Variants in C4orf17 observed in about 807,000 individuals in gnomAD.
C4orf17 encodes uncharacterized protein C4orf17.
In C4orf17, 25 loss-of-function variants were observed where a neutral mutation model predicts 32.0. The ratio of observed to expected loss-of-function variants is 0.78; its 90% confidence interval spans 0.57 to 1.09. C4orf17 has a LOEUF of 1.09. Among genes scored for constraint, C4orf17 ranks in the 50% least tolerant of loss-of-function variants. The pLI is 0.00. For missense variants in C4orf17, 420 were observed against 420.0 expected, an observed-to-expected ratio of 1.00 and a Z score of 0.00; for synonymous variants, 149 against 145.8, an observed-to-expected ratio of 1.02 and a Z score of -0.16.
At chr4:99,528,531 T>G (rs931400991) in intron 4 of C4orf17, among the ~76,000 whole-genome samples, 2 of 152,212 alleles carry the variant, frequency 1.3e-5, no homozygotes, top group African/African-American at 4.8e-5. Flanking sequence ...TTATTTCTTC[T>G]TTGACTCATG....
chr4:99,511,031 A>G lies in C4orf17; in HGVS notation c.-335A>G, dbSNP rs1723084949. The G allele has an allele frequency of 6.6e-6, 1 of 152,158 alleles. No individual in the cohort carries two copies. Among genetic ancestry groups the G allele is most frequent in the Admixed American group, 6.5e-5 (1 of 15,268 alleles). The allele number at this position is 152,158 out of a possible 1,614,324, so 9.4% of individuals were successfully genotyped here. On this transcript the variant is annotated 5_prime_UTR_variant, in exon 1 of 9. Coordinates refer to ENST00000326581, the MANE Select transcript of C4orf17 (RefSeq NM_032149.3). Reference sequence around the variant, plus strand: ...GTTGCTAAGCTATGTAACATATCTTAACAACCAGGGAGCCACACAGGCTCC... The same window carrying G: ...GTTGCTAAGCTATGTAACATATCTTGACAACCAGGGAGCCACACAGGCTCC...
intron 2 of C4orf17, among the ~76,000 whole-genome samples, chr4:99,520,264 T>C (rs1271409421): frequency 1.3e-5 from 2 of 151,474 alleles, no homozygotes; most frequent in East Asian, 3.9e-4. Context: ...TAATTTTTTT[T>C]TTCTGTATTT....
intron 2 of C4orf17, among the ~76,000 whole-genome samples, chr4:99,516,509 A>G (rs916815093): frequency 2.0e-5 from 3 of 152,248 alleles, no homozygotes; most frequent in Non-Finnish European, 4.4e-5. Context: ...TTTATTTGCA[A>G]TGAAAATATA....
intron 5 of C4orf17, chr4:99,535,961 C>T (rs764703011): frequency 6.3e-5 from 23 of 363,622 alleles, no homozygotes; most frequent in Middle Eastern, 4.3e-4. Context: ...TTTCTTCTAA[C>T]AGGCCACTCT....
At chr4:99,529,414 G>T (rs888843398) in intron 4 of C4orf17, among the ~76,000 whole-genome samples, 8 of 152,160 alleles carry the variant, frequency 5.3e-5, no homozygotes, top group Non-Finnish European at 8.8e-5. Context: ...GTAGCAATTT[G>T]CATCATGCAG....
Position 99,541,924 on chromosome 4 carries a change from C to A in C4orf17, c.895C>A (p.Pro299Thr). 1 of 1,612,784 alleles carries A rather than the reference C, an allele frequency of 6.2e-7. No homozygotes were observed. The highest frequency in any genetic ancestry group is 8.5e-7 in the Non-Finnish European group (1 of 1,179,492). Residue 299 changes from proline (P) to threonine (T), a missense_variant, in exon 9 of 9, where the codon CCT becomes ACT. By Grantham distance (38) the Pro-to-Thr change is conservative. Transcript: ENST00000326581. ...KEVPKEAEHK[P>T]PLLIRRNNMK... The stretch of plus-strand genomic sequence containing the variant: ...CTCTATTTCAGAGGCTGAGCACAAG[C>A]CTCCACTACTTATAAGAAGAAATAA...
intron 5 of C4orf17, among the ~76,000 whole-genome samples, chr4:99,535,326 T>C (rs1258285687): frequency 6.6e-6 from 1 of 152,158 alleles, no homozygotes; most frequent in Non-Finnish European, 1.5e-5. Context: ...TATCCTGAAG[T>C]ATGTTTTCCA....
chr4:99,529,091 T>C (rs1181632934), intron 4 of C4orf17, among the ~76,000 whole-genome samples: 1 of 152,196 alleles, frequency 6.6e-6, no homozygotes, highest in Non-Finnish European at 1.5e-5. Flanking sequence ...TTAAATATTG[T>C]TTTATCAATT....
intron 5 of C4orf17, 55 bp downstream of exon 5, chr4:99,530,013 A>G: frequency 7.1e-7 from 1 of 1,410,908 alleles, no homozygotes. Context: ...ATATACAAAA[A>G]AATTTATACC....
intron 2 of C4orf17, among the ~76,000 whole-genome samples, chr4:99,520,490 G>T (rs1453510793): frequency 1.3e-5 from 2 of 152,118 alleles, no homozygotes; most frequent in Non-Finnish European, 2.9e-5. Flanking sequence ...ATACTTTAAA[G>T]CACTTGATGT....
chr4:99,520,581 T>G (rs1723270738), intron 2 of C4orf17, among the ~76,000 whole-genome samples: 1 of 152,238 alleles, frequency 6.6e-6, no homozygotes. Context: ...GGCAAGGGAC[T>G]AATTTTTATG....
intron 5 of C4orf17, among the ~76,000 whole-genome samples, chr4:99,534,856 A>T (rs1311863511): frequency 1.3e-5 from 2 of 152,068 alleles, no homozygotes; most frequent in African/African-American, 4.8e-5. Context: ...CTGTGTTCTT[A>T]GCTGTGTTTT....
chr4:99,518,575 AGAGAGAGAGG>A (rs1560585632), intron 2 of C4orf17, among the ~76,000 whole-genome samples: 2 of 125,832 alleles, frequency 1.6e-5, no homozygotes, highest in East Asian at 5.0e-4. Context: ...AGAGAGAGAG[AGAGAGAGAGG>A]GAGGGAGACA....
intron 4 of C4orf17, among the ~76,000 whole-genome samples, chr4:99,528,966 TCAA>T (rs1262608443): frequency 2.0e-5 from 3 of 152,188 alleles, no homozygotes; most frequent in African/African-American, 4.8e-5. Context: ...CTAAGAGCTA[TCAA>T]CAACATTAAG....
chr4:99,541,847 C>T (rs1723654064), intron 8 of C4orf17, 63 bp from the exon 9 acceptor site: 1 of 1,165,870 alleles, frequency 8.6e-7, no homozygotes, highest in African/African-American at 1.6e-5. Context: ...ACTACTAAAA[C>T]ATGGAGAAGG....
intron 2 of C4orf17, among the ~76,000 whole-genome samples, chr4:99,516,840 T>A (rs1723195813): frequency 6.6e-6 from 1 of 152,182 alleles, no homozygotes; most frequent in Admixed American, 6.5e-5. Flanking sequence ...GGTTTTTACT[T>A]CTTCTCCTCG....
intron 5 of C4orf17, among the ~76,000 whole-genome samples, chr4:99,533,878 C>G (rs1196353239): frequency 3.3e-5 from 5 of 152,178 alleles, no homozygotes; most frequent in Admixed American, 2.0e-4. Context: ...GCAATAGAGG[C>G]TACTCTAGGC....
chr4:99,528,258 T>C (rs534270878), intron 4 of C4orf17, among the ~76,000 whole-genome samples: 69 of 152,196 alleles, frequency 4.5e-4, no homozygotes, highest in Non-Finnish European at 6.9e-4. Flanking sequence ...AGTTTATTGA[T>C]TTTATTAGTG....
chr4:99,518,276 A>C (rs188235280), intron 2 of C4orf17, among the ~76,000 whole-genome samples: 1 of 151,458 alleles, frequency 6.6e-6, no homozygotes, highest in Admixed American at 6.6e-5. Context: ...TGTTTAGGCC[A>C]GGCTCAGTAG....
Sources: allele counts gnomAD v4.1 joint callset (sites outside exome capture counted in the v4.1 genomes callset), GRCh38; gene constraint gnomAD v4.1.1; transcripts MANE v1.5; gene names NCBI Gene and HGNC (gene_info 2026-07-23, HGNC 2026-07-21).